The following TRIM14 variants were observed in gnomAD, a reference collection of about 807,000 sequenced individuals.
TRIM14 encodes tripartite motif-containing protein 14.
In TRIM14, 28 loss-of-function variants were observed where a neutral mutation model predicts 44.5. The ratio of observed to expected loss-of-function variants is 0.63; its 90% CI spans 0.47 to 0.86. The LOEUF (loss-of-function observed/expected upper bound fraction) is 0.86, where lower values mean the gene tolerates loss of function less well. Ranked by LOEUF, TRIM14 falls within the 40% of genes least tolerant of loss-of-function variation. The pLI is 0.00. For missense variants in TRIM14, 607 were observed against 611.1 expected, an observed-to-expected ratio of 0.99 and a Z score of 0.07; for synonymous variants, 299 against 269.2, an observed-to-expected ratio of 1.11 and a Z score of -1.08.
intron 6 of TRIM14, among the ~76,000 whole-genome samples, chr9:98,072,182 T>C (rs1297079496): frequency 2.0e-5 from 3 of 152,142 alleles, no homozygotes; most frequent in African/African-American, 7.2e-5. Context: ...AAAACAGGAT[T>C]GTTAAGATGC....
At chr9:98,052,268 A>G in the TRIM14 span, among the ~76,000 whole-genome samples, 12 of 152,196 alleles carry the variant, frequency 7.9e-5, no homozygotes, top group East Asian at 1.7e-3. Context: ...GTTAGTAATT[A>G]TCTTAGGTTC....
intron 1 of TRIM14, among the ~76,000 whole-genome samples, chr9:98,114,967 T>A (rs186816919): frequency 3.5e-4 from 53 of 152,330 alleles, no homozygotes; most frequent in Admixed American, 2.3e-3. Context: ...AATTTTTTCT[T>A]TTGTCACAGC....
In TRIM14 at chr9:98,094,720, G is replaced by A. The variant is rs974030135; in HGVS notation, c.700+147C>T. On this transcript the variant is annotated intron_variant, in intron 4 of 5. Transcript: ENST00000341469. ...GAGGTGAAGTGGTGAGGGTGGGTTG[G>A]GCACCAGGCCCAGGAGCCCCTGACC... The A allele has an allele frequency of 5.8e-6, 5 of 857,104 alleles. No individual in the cohort carries two copies. The East Asian group carries it at 1.3e-4, about 21-fold the overall frequency. The allele number at this position is 857,104 out of a possible 1,614,324, so 53.1% of individuals were successfully genotyped here.
Position 98,095,650 on chromosome 9 carries a change from G to GAAA in TRIM14, c.538-624_538-622dup, listed in dbSNP as rs758013728. On this transcript the variant is annotated intron_variant, in intron 3 of 5. Transcript: ENST00000341469. The surrounding 1 kb of genome is among the most constrained non-coding windows in gnomAD (Gnocchi z 4.1). Reference sequence around the variant, plus strand: ...ATGTGGCTTCACTAAGGAGAAGCTAGAAAACCCCCTCTCCCAGCTCCCTTT... The same window carrying GAAA: ...ATGTGGCTTCACTAAGGAGAAGCTAGAAAAAAACCCCCTCTCCCAGCTCCCTTT... 1.2e-4 allele frequency among the ~76,000 whole-genome samples: 19 copies of GAAA among 152,198 alleles called. No individual in the cohort carries two copies. Among genetic ancestry groups the GAAA allele is most frequent in the Non-Finnish European group, 2.6e-4 (18 of 68,028 alleles).
chr9:98,109,818 A>C, intron 2 of TRIM14, 71 bp downstream of exon 2: 2 of 1,276,148 alleles, frequency 1.6e-6, no homozygotes, highest in Non-Finnish European at 2.3e-6. Context: ...TTGGCTCCAT[A>C]TTGGGGGTCC....
intron 1 of TRIM14, chr9:98,115,875 ACC>A (rs1827031854): frequency 6.6e-6 from 1 of 151,650 alleles, no homozygotes; most frequent in Admixed American, 6.6e-5. Context: ...CCATAAGAAG[ACC>A]CTTGGGGGCC....
At chr9:98,098,314 G>A (rs567000656) in intron 3 of TRIM14, among the ~76,000 whole-genome samples, 1 of 152,300 alleles carries the variant, frequency 6.6e-6, no homozygotes, top group African/African-American at 2.4e-5. Context: ...GGCAAAGAAG[G>A]AAACAGGAGG....
At chr9:98,077,016 AG>A (rs1317988311) in intron 6 of TRIM14, 9 of 1,602,942 alleles carry the variant, frequency 5.6e-6, no homozygotes, top group Non-Finnish European at 5.1e-6. Context: ...CAGCCAAAAA[AG>A]GTAAGTGTCT....
the TRIM14 span, among the ~76,000 whole-genome samples, chr9:98,044,058 T>C: frequency 2.6e-5 from 4 of 151,154 alleles, no homozygotes; most frequent in Middle Eastern, 3.4e-3. Context: ...GTCCTAGGGC[T>C]TTTGTGGAGT....
chr9:98,046,038 C>A, the TRIM14 span, among the ~76,000 whole-genome samples: 2 of 152,062 alleles, frequency 1.3e-5, no homozygotes, highest in Admixed American at 6.6e-5. Context: ...CAGAAAGAAA[C>A]TGGTAGTAAA....
At chr9:98,051,677 A>G in the TRIM14 span, among the ~76,000 whole-genome samples, 1 of 152,136 alleles carries the variant, frequency 6.6e-6, no homozygotes, top group South Asian at 2.1e-4. Context: ...GGAGTGAGCC[A>G]ATGTTCTAAC....
the TRIM14 span, among the ~76,000 whole-genome samples, chr9:98,043,655 C>T: frequency 2.0e-5 from 3 of 151,494 alleles, no homozygotes; most frequent in African/African-American, 2.4e-5. Flanking sequence ...CATACACACA[C>T]ACAGAGAGAG....
downstream of TRIM14, among the ~76,000 whole-genome samples, chr9:98,083,902 G>A (rs907113125): frequency 2.6e-5 from 4 of 152,196 alleles, no homozygotes. Flanking sequence ...GTGGGAGTCA[G>A]GGTTTGTTTA....
intron 1 of TRIM14, among the ~76,000 whole-genome samples, chr9:98,117,620 T>C (rs1201610109): frequency 2.0e-5 from 3 of 152,224 alleles, no homozygotes; most frequent in Admixed American, 2.0e-4. Flanking sequence ...ATGTAAATTC[T>C]TGGTAAACAA....
chr9:98,038,200 G>A, the TRIM14 span, among the ~76,000 whole-genome samples: 1 of 152,004 alleles, frequency 6.6e-6, no homozygotes, highest in Non-Finnish European at 1.5e-5. Flanking sequence ...ACAGGCACGA[G>A]CCACCATGTC....
At position 98,084,488 on chromosome 9, in the gene TRIM14, G is replaced by A. The variant is rs1037510851; in HGVS notation, c.*2982C>T. 1.3e-5 allele frequency: 2 copies of A among 152,178 alleles called. No homozygotes were observed. The highest frequency in any genetic ancestry group is 4.8e-5 in the African/African-American group (2 of 41,434). 9.4% of individuals were successfully genotyped at this position (152,178 alleles called of 1,614,324 possible). A position where few individuals can be genotyped will look rare whatever the true frequency, so the allele number is the denominator to read the frequency against. On this transcript the variant is annotated 3_prime_UTR_variant, in exon 6 of 6. Transcript: ENST00000341469. The stretch of plus-strand genomic sequence containing the variant: ...AAGTCTGAAAGAGAAGAAGGTAAGT[G>A]ATCAGTAACCCTTACAGACATGGAA...
At chr9:98,059,239 G>C in the TRIM14 span, among the ~76,000 whole-genome samples, 1 of 152,132 alleles carries the variant, frequency 6.6e-6, no homozygotes, top group Admixed American at 6.5e-5. Context: ...TAGCCAGGAT[G>C]GTCTCGATCT....
chr9:98,094,380 C>T (rs1826107392), intron 4 of TRIM14, among the ~76,000 whole-genome samples: 1 of 152,166 alleles, frequency 6.6e-6, no homozygotes, highest in Admixed American at 6.5e-5. Flanking sequence ...CATGTATCCA[C>T]TTCATGAGCA....
intron 3 of TRIM14, among the ~76,000 whole-genome samples, chr9:98,098,909 T>A (rs1826285796): frequency 6.6e-6 from 1 of 152,018 alleles, no homozygotes; most frequent in Non-Finnish European, 1.5e-5. Context: ...CACCTCAGCC[T>A]CACAGGTGCA....
Sources: allele counts gnomAD v4.1 joint callset (sites outside exome capture counted in the v4.1 genomes callset), GRCh38; gene constraint gnomAD v4.1.1; non-coding constraint Gnocchi (gnomAD v3.1); transcripts MANE v1.5; gene names NCBI Gene and HGNC (gene_info 2026-07-23, HGNC 2026-07-21).